BCAS3: variants seen among roughly 807,000 people sequenced by gnomAD.
The protein encoded by BCAS3 is BCAS3 microtubule associated cell migration factor.
BCAS3 carries 53 observed loss-of-function variants against 116.1 expected under a neutral mutation model. The ratio of observed to expected loss-of-function variants is 0.46; its 90% confidence interval spans 0.37 to 0.57. The LOEUF (loss-of-function observed/expected upper bound fraction) is 0.57. Ranked by LOEUF, BCAS3 falls within the 20% of genes least tolerant of loss-of-function variation. BCAS3 has a pLI of 0.00. For synonymous variants in BCAS3, 391 were observed against 408.2 expected, an observed-to-expected ratio of 0.96 and a Z score of 0.51; for missense variants, 917 against 1,165.4, an observed-to-expected ratio of 0.79 and a Z score of 3.10.
chr17:60,811,487 G>T, intron 7 of BCAS3: 1 of 490,526 alleles, frequency 2.0e-6, no homozygotes, highest in Admixed American at 2.6e-5. Context: ...TGTACCCTTT[G>T]GGGAGCCAGG....
At chr17:61,372,865 C>T (rs929711886) in intron 23 of BCAS3, among the ~76,000 whole-genome samples, 4 of 151,946 alleles carry the variant, frequency 2.6e-5, no homozygotes, top group African/African-American at 4.8e-5. Context: ...GTAAACAAAA[C>T]ATTGACTTAT....
At chr17:61,232,461 C>T (rs1174492082) in intron 22 of BCAS3, among the ~76,000 whole-genome samples, 1 of 151,874 alleles carries the variant, frequency 6.6e-6, no homozygotes, top group Non-Finnish European at 1.5e-5. Flanking sequence ...GGTTGTTTTT[C>T]TTTTGTATAC....
chr17:60,772,359 G>T (rs560772355), intron 6 of BCAS3, among the ~76,000 whole-genome samples: 13 of 151,978 alleles, frequency 8.6e-5, no homozygotes, highest in African/African-American at 3.1e-4. Flanking sequence ...GTCTTCTTTT[G>T]AGAAGGGTCT....
Position 61,375,247 on chromosome 17 carries a change from T to TGTGTGTGCGCACAC in BCAS3, c.2593+6760_2593+6761insCGCACACGTGTGTG, listed in dbSNP as rs1555861859. On this transcript the variant is annotated intron_variant, in intron 23 of 23. Transcript: ENST00000407086. ...GTGTGTGTGTGTGTGTGTGTGTGTG[T>TGTGTGTGCGCACAC]GTGTGTGTACTAATAAAGTCTTTCA... 6.1e-3 allele frequency among the ~76,000 whole-genome samples: 797 copies of TGTGTGTGCGCACAC among 129,826 alleles called. 13 individuals are homozygous for TGTGTGTGCGCACAC. Among genetic ancestry groups the TGTGTGTGCGCACAC allele is most frequent in the African/African-American group, 0.034 (752 of 22,012 alleles). The allele number at this position is 129,826 out of a possible 152,430, so 85.2% of individuals were successfully genotyped here.
chr17:61,362,575 C>T lies in BCAS3; in HGVS notation c.2426-5752C>T, dbSNP rs1387089843. Reference sequence around the variant, plus strand: ...TTAACAATGGTGTACAAAGGCAAAGCACGTGTTCCCCCAGCCTCCCCAGGA... The same window carrying T: ...TTAACAATGGTGTACAAAGGCAAAGTACGTGTTCCCCCAGCCTCCCCAGGA... On this transcript the variant is annotated intron_variant, in intron 22 of 23. Coordinates refer to ENST00000407086, the MANE Select transcript of BCAS3 (RefSeq NM_017679.5). The surrounding 1 kb of genome is among the most constrained non-coding windows in gnomAD (Gnocchi z 4.4). 6.6e-6 allele frequency among the ~76,000 whole-genome samples: 1 copy of T among 152,230 alleles called. No individual in the cohort carries two copies. The highest frequency in any genetic ancestry group is 1.5e-5 in the Non-Finnish European group (1 of 68,046).
In BCAS3 at chr17:60,962,351, A is replaced by G. The variant is rs1431743012; in HGVS notation, c.1221+14999A>G. On this transcript the variant is annotated intron_variant, in intron 14 of 23. Transcript: ENST00000407086. The surrounding 1 kb of genome is among the most constrained non-coding windows in gnomAD (Gnocchi z 4.4). ...ACATTCTCACCAGCATCTTTTATTG[A>G]TTGTCCTTTTGATACAAGCCATTTT... Among the ~76,000 whole-genome samples, 2 of 151,862 alleles carry G rather than the reference A, an allele frequency of 1.3e-5. No homozygotes were observed. The highest frequency in any genetic ancestry group is 2.9e-5 in the Non-Finnish European group (2 of 67,954).
intron 7 of BCAS3, among the ~76,000 whole-genome samples, chr17:60,812,289 A>C (rs1369080294): frequency 1.3e-5 from 2 of 152,190 alleles, no homozygotes; most frequent in African/African-American, 4.8e-5. Flanking sequence ...AGAGGACAAA[A>C]AATCAGATTT....
chr17:60,980,519 T>C (rs564184044), intron 14 of BCAS3: 2 of 151,670 alleles, frequency 1.3e-5, no homozygotes, highest in South Asian at 2.1e-4. Flanking sequence ...TTTTTAACTT[T>C]CTTAATGGTA....
chr17:60,889,730 A>G lies in BCAS3; in HGVS notation c.697A>G (p.Ile233Val), dbSNP rs199850576. Reference sequence around the variant, plus strand: ...ATGTCCAGGGCCAAACATGAATCCTATTGCTCTTGGGAGCCGCTGGCTTGC... The same window carrying G: ...ATGTCCAGGGCCAAACATGAATCCTGTTGCTCTTGGGAGCCGCTGGCTTGC... ...YPCPGPNMNP[I>V]ALGSRWLAYA... The change falls in exon 10 of 24, where the codon ATT (isoleucine) becomes GTT (valine). Residue 233 changes from isoleucine to valine, a missense_variant. By Grantham distance (29) the Ile-to-Val change is conservative. This residue lies in a region of BCAS3 where 807 missense variants were observed against 1,026.0 expected (regional missense o/e 0.79). Transcript: ENST00000407086. 2.6e-5 allele frequency: 42 copies of G among 1,613,266 alleles called. No homozygotes were observed. Among genetic ancestry groups the G allele is most frequent in the African/African-American group, 8.0e-5 (6 of 74,886 alleles).
intron 5 of BCAS3, among the ~76,000 whole-genome samples, chr17:60,725,671 A>G (rs2039747988): frequency 6.6e-6 from 1 of 152,180 alleles, no homozygotes; most frequent in Admixed American, 6.6e-5. Flanking sequence ...ACTGCTACAC[A>G]TCCTATAATA....
chr17:61,041,026 G>T lies in BCAS3; in HGVS notation c.2029+134G>T. On this transcript the variant is annotated intron_variant, in intron 19 of 23. Coordinates refer to ENST00000407086, the MANE Select transcript of BCAS3 (RefSeq NM_017679.5). This position sits in a 1 kb window ranked among gnomAD's most constrained non-coding sequence, Gnocchi z 4.7. ...TAAAGAATCAGTTTGAGGCAAATAA[G>T]ATATTTAATATGAATATAAACTGTA... is the stretch of plus-strand genomic sequence containing the variant. 1 of 654,656 alleles carries T rather than the reference G, an allele frequency of 1.5e-6. No homozygotes were observed. The highest frequency in any genetic ancestry group is 2.6e-6 in the Non-Finnish European group (1 of 381,606). The allele number at this position is 654,656 out of a possible 1,614,324, so 40.6% of individuals were successfully genotyped here.
chr17:61,230,466 C>T (rs941758942), intron 22 of BCAS3, among the ~76,000 whole-genome samples: 14 of 152,124 alleles, frequency 9.2e-5, no homozygotes, highest in Non-Finnish European at 1.8e-4. Flanking sequence ...CTCCCTCCCC[C>T]TCTAGTAGTT....
At chr17:61,129,901 C>T (rs1035714743) in intron 22 of BCAS3, among the ~76,000 whole-genome samples, 1 of 152,168 alleles carries the variant, frequency 6.6e-6, no homozygotes. Context: ...TTATTTCTGT[C>T]TTAATTACAG....
At chr17:60,710,951 T>C (rs1490993068) in intron 5 of BCAS3, among the ~76,000 whole-genome samples, 1 of 151,738 alleles carries the variant, frequency 6.6e-6, no homozygotes, top group East Asian at 1.9e-4. Flanking sequence ...TACAGGCACG[T>C]GCCACCACAC....
chr17:61,090,251 A>G (rs1351175547), intron 22 of BCAS3, among the ~76,000 whole-genome samples: 1 of 152,220 alleles, frequency 6.6e-6, no homozygotes. Flanking sequence ...TATTTTTTGA[A>G]TAAATGATGT....
rs1602284862 is a variant in BCAS3 at position 61,265,888 on chromosome 17, T to C, written c.2426-102439T>C. Among the ~76,000 whole-genome samples the C allele has an allele frequency of 6.6e-6, 1 of 152,356 alleles. No homozygotes were observed. Among genetic ancestry groups the C allele is most frequent in the East Asian group, 1.9e-4 (1 of 5,190 alleles). Reference sequence around the variant, plus strand: ...GCTAACTGAGCAGGAGAATAGTTGCTTGTTTCTTTCTCTATATAAAAGACA... The same window carrying C: ...GCTAACTGAGCAGGAGAATAGTTGCCTGTTTCTTTCTCTATATAAAAGACA... On this transcript the variant is annotated intron_variant, in intron 22 of 23. Coordinates refer to ENST00000407086, the MANE Select transcript of BCAS3 (RefSeq NM_017679.5). The surrounding 1 kb of genome is among the most constrained non-coding windows in gnomAD (Gnocchi z 4.3).
intron 7 of BCAS3, among the ~76,000 whole-genome samples, chr17:60,848,961 C>T (rs1256394944): frequency 6.6e-6 from 1 of 151,802 alleles, no homozygotes; most frequent in Non-Finnish European, 1.5e-5. Context: ...TGAGATGAGC[C>T]AGAGGCTCAG....
In BCAS3 at chr17:61,388,335, G is replaced by C; in HGVS notation, c.2594-3642G>C. ...CCCAGCCCTCCCACTTCCTAAAACT[G>C]TTCTTCATGTTGAACCTGTGACTCC... On this transcript the variant is annotated intron_variant, in intron 23 of 23. Coordinates refer to ENST00000407086, the MANE Select transcript of BCAS3 (RefSeq NM_017679.5). This position sits in a 1 kb window ranked among gnomAD's most constrained non-coding sequence, Gnocchi z 6.5. 1 of 392,746 alleles carries C rather than the reference G, an allele frequency of 2.5e-6. No homozygotes were observed. The highest frequency in any genetic ancestry group is 3.1e-5 in the South Asian group (1 of 32,444). 24.3% of individuals were successfully genotyped at this position (392,746 alleles called of 1,614,324 possible). A position where few individuals can be genotyped will look rare whatever the true frequency, so the allele number is the denominator to read the frequency against.
At chr17:60,880,930 A>G (rs1167514786) in intron 9 of BCAS3, among the ~76,000 whole-genome samples, 1 of 151,380 alleles carries the variant, frequency 6.6e-6, no homozygotes, top group African/African-American at 2.4e-5. Flanking sequence ...CTCATTCTTT[A>G]GATTGTCTTT....
Sources: allele counts gnomAD v4.1 joint callset (sites outside exome capture counted in the v4.1 genomes callset), GRCh38; gene constraint gnomAD v4.1.1; regional missense constraint gnomAD v4.1.1; non-coding constraint Gnocchi (gnomAD v3.1); transcripts MANE v1.5; gene names NCBI Gene and HGNC (gene_info 2026-07-23, HGNC 2026-07-21).